The following AKAP6 variants were observed in gnomAD, a reference collection of about 807,000 sequenced individuals.
AKAP6 encodes the protein A-kinase anchor protein 6.
In AKAP6, 58 loss-of-function variants were observed where a neutral mutation model predicts 188.5. The observed-to-expected ratio is 0.31, with a 90% CI of 0.25 to 0.38. The LOEUF (loss-of-function observed/expected upper bound fraction) is 0.38, where lower values mean the gene tolerates loss of function less well. AKAP6 is among the 10% of genes least tolerant of loss of function. AKAP6 has a pLI of 1.00. For missense variants in AKAP6, 2,710 were observed against 2,740.0 expected (o/e 0.99, Z 0.24); for synonymous variants, 989 against 998.6 (o/e 0.99, Z 0.18).
chr14:32,483,607 C>T (rs1205632708), intron 2 of AKAP6, among the ~76,000 whole-genome samples: 1 of 152,112 alleles, frequency 6.6e-6, no homozygotes, highest in Non-Finnish European at 1.5e-5. Flanking sequence ...GCCTCAGCCT[C>T]CTGAGTAGCT....
chr14:32,466,827 T>TTTTATATATATATATATATA (rs1555331122), intron 2 of AKAP6, among the ~76,000 whole-genome samples: 1 of 115,116 alleles, frequency 8.7e-6, no homozygotes, highest in African/African-American at 5.0e-5. Flanking sequence ...AAAAACAAGA[T>TTTTATATATATATATATATA]TATATATATA....
intron 7 of AKAP6, among the ~76,000 whole-genome samples, chr14:32,604,266 C>A (rs1177055288): frequency 6.6e-6 from 1 of 152,104 alleles, no homozygotes; most frequent in African/African-American, 2.4e-5. Flanking sequence ...TTGTAGGTAT[C>A]CGCAGATGCA....
intron 7 of AKAP6, among the ~76,000 whole-genome samples, chr14:32,659,862 G>A (rs1888611092): frequency 6.6e-6 from 1 of 152,016 alleles, no homozygotes; most frequent in Non-Finnish European, 1.5e-5. Flanking sequence ...CAGTCTCAGA[G>A]GGCTAAGATT....
rs576166628 is a variant in AKAP6, at chr14:32,402,565, G to T, written c.-34-30895G>T. Among the ~76,000 whole-genome samples the T allele has an allele frequency of 7.0e-4, 107 of 152,168 alleles. 1 individual carries two copies. The highest frequency in any genetic ancestry group is 2.0e-3 in the African/African-American group (82 of 41,512). ...GCTAGAAATGATATTTCTTTTGAGT[G>T]CCTGGAGAACTAATGTCCCTACTCT... On this transcript the variant is annotated intron_variant, in intron 1 of 13. Transcript: ENST00000280979.
At position 32,721,645 on chromosome 14, in the gene AKAP6, G is replaced by A. The variant is rs2030542860; in HGVS notation, c.3001-10809G>A. Among the ~76,000 whole-genome samples the A allele has an allele frequency of 3.9e-5, 6 of 152,272 alleles. No individual in the cohort carries two copies. In the South Asian group the frequency reaches 1.0e-3, roughly 26 times the overall value. ...AGCCCATCTTAGCTTAGATTATACA[G>A]CTTACATTTTATGTGGTTGTGTCTT... On this transcript the variant is annotated intron_variant, in intron 9 of 13. Coordinates refer to ENST00000280979, the MANE Select transcript of AKAP6 (RefSeq NM_004274.5).
intron 1 of AKAP6, among the ~76,000 whole-genome samples, chr14:32,411,099 A>G (rs1889470153): frequency 6.6e-6 from 1 of 152,158 alleles, no homozygotes; most frequent in South Asian, 2.1e-4. Flanking sequence ...ACATTTGGCA[A>G]TATTTAGAGA....
At chr14:32,799,553 A>G (rs1425929596) in intron 12 of AKAP6, among the ~76,000 whole-genome samples, 1 of 152,004 alleles carries the variant, frequency 6.6e-6, no homozygotes, top group Non-Finnish European at 1.5e-5. Flanking sequence ...TTTTTTATTG[A>G]GACTTCTTTA....
Position 32,735,834 on chromosome 14 carries a change from A to G in AKAP6, c.3324A>G (p.Gln1108=), listed in dbSNP as rs1298920314. The change falls in exon 11 of 14, where the codon CAA becomes CAG. Residue 1108 remains glutamine (Q), a synonymous_variant. Transcript: ENST00000280979. The part of the protein sequence containing the change: ...ELFIFNSCLR[Q]EKEGTMNTEK... ...TCATCTTCAATTCCTGTCTGAGACA[A>G]GAAAAGGAAGGAACAATGAATACTG... The G allele has an allele frequency of 3.1e-6, 5 of 1,613,270 alleles. No individual in the cohort carries two copies. The highest frequency in any genetic ancestry group is 4.2e-6 in the Non-Finnish European group (5 of 1,179,610).
chr14:32,646,742 A>C (rs1349365974), intron 7 of AKAP6, among the ~76,000 whole-genome samples: 1 of 152,120 alleles, frequency 6.6e-6, no homozygotes, highest in Non-Finnish European at 1.5e-5. Context: ...CTGATATAAA[A>C]TTCTAATGTG....
At chr14:32,671,534 G>T (rs940518084) in intron 7 of AKAP6, among the ~76,000 whole-genome samples, 3 of 151,264 alleles carry the variant, frequency 2.0e-5, no homozygotes, top group Admixed American at 6.6e-5. Flanking sequence ...GCATTTTTTG[G>T]GCTAATGTGC....
intron 2 of AKAP6, among the ~76,000 whole-genome samples, chr14:32,532,194 C>T (rs1305487399): frequency 6.6e-6 from 1 of 152,140 alleles, no homozygotes; most frequent in Non-Finnish European, 1.5e-5. Flanking sequence ...CGGGTGTAAA[C>T]TGGTATCTCA....
intron 11 of AKAP6, among the ~76,000 whole-genome samples, chr14:32,770,129 C>G (rs1163398576): frequency 6.6e-6 from 1 of 152,042 alleles, no homozygotes; most frequent in Non-Finnish European, 1.5e-5. Context: ...CAAAAAACAC[C>G]CCTGCACATT....
intron 1 of AKAP6, among the ~76,000 whole-genome samples, chr14:32,362,225 A>G (rs1377851149): frequency 6.6e-6 from 1 of 152,172 alleles, no homozygotes; most frequent in Admixed American, 6.5e-5. Context: ...ACCCCACAAC[A>G]ATCTTCAGCA....
chr14:32,732,260 T>A (rs2031209728), intron 9 of AKAP6, among the ~76,000 whole-genome samples, 194 bp from the exon 10 acceptor site: 1 of 112,044 alleles, frequency 8.9e-6, no homozygotes, highest in Admixed American at 8.8e-5. Flanking sequence ...GTAATAACTG[T>A]GTGTGTGTGT....
chr14:32,818,965 C>T (rs778694382), intron 12 of AKAP6, among the ~76,000 whole-genome samples: 4 of 152,168 alleles, frequency 2.6e-5, no homozygotes, highest in Non-Finnish European at 4.4e-5. Flanking sequence ...AATTAATATA[C>T]TATTTGATTA....
intron 4 of AKAP6, among the ~76,000 whole-genome samples, chr14:32,551,547 G>C (rs1883463447): frequency 6.8e-6 from 1 of 148,126 alleles, no homozygotes; most frequent in African/African-American, 2.5e-5. Context: ...ACTCCAGCCT[G>C]GGCAACGGAG....
At chr14:32,398,080 A>G (rs1179448042) in intron 1 of AKAP6, among the ~76,000 whole-genome samples, 4 of 152,254 alleles carry the variant, frequency 2.6e-5, no homozygotes, top group Non-Finnish European at 4.4e-5. Flanking sequence ...TCAGATAAAT[A>G]AACTATCACT....
intron 7 of AKAP6, among the ~76,000 whole-genome samples, chr14:32,672,028 C>G (rs1889221081): frequency 6.6e-6 from 1 of 152,048 alleles, no homozygotes; most frequent in African/African-American, 2.4e-5. Context: ...GTGTTATACA[C>G]TATATTATTA....
chr14:32,418,258 G>A (rs182876644), intron 1 of AKAP6, among the ~76,000 whole-genome samples: 5 of 152,246 alleles, frequency 3.3e-5, no homozygotes, highest in Admixed American at 3.3e-4. Flanking sequence ...AAAGCATAGG[G>A]GACAATTACC....
Sources: allele counts gnomAD v4.1 joint callset (sites outside exome capture counted in the v4.1 genomes callset), GRCh38; gene constraint gnomAD v4.1.1; transcripts MANE v1.5; gene names NCBI Gene and HGNC (gene_info 2026-07-23, HGNC 2026-07-21).